PLAGL1: variants seen among roughly 807,000 people sequenced by gnomAD.
The protein encoded by PLAGL1 is zinc finger protein PLAGL1.
A neutral mutation model predicts 4.6 loss-of-function variants in PLAGL1; 1 was observed. The observed-to-expected ratio is 0.22, with a 90% confidence interval of 0.08 to 1.03. The LOEUF (loss-of-function observed/expected upper bound fraction) is 1.03. Among genes scored for constraint, PLAGL1 ranks in the 50% least tolerant of loss-of-function variants. The pLI is 0.58. For missense variants in PLAGL1, 464 were observed against 570.4 expected, an observed-to-expected ratio of 0.81 and a Z score of 1.90; for synonymous variants, 240 against 237.8, an observed-to-expected ratio of 1.01 and a Z score of -0.08.
rs898299102 is a variant in PLAGL1 at position 143,955,160 on chromosome 6, A to G, written c.-325+5309T>C. Among the ~76,000 whole-genome samples the G allele has an allele frequency of 6.6e-6, 1 of 152,234 alleles. No homozygotes were observed. The highest frequency in any genetic ancestry group is 2.4e-5 in the African/African-American group (1 of 41,454). On this transcript the variant is annotated intron_variant, in intron 6 of 7. Transcript: ENST00000674357. The surrounding 1 kb of genome is among the most constrained non-coding windows in gnomAD (Gnocchi z 4.9). ...TGAGGTGGTGGTTGTCTAGGCAGTG[A>G]CCATCTCTTGCTTGGGAGATCAAGA... is the stretch of plus-strand genomic sequence containing the variant.
At chr6:144,021,764 G>C (rs1562581626) in intron 1 of PLAGL1, among the ~76,000 whole-genome samples, 1 of 152,192 alleles carries the variant, frequency 6.6e-6, no homozygotes, top group Non-Finnish European at 1.5e-5. Flanking sequence ...ATTAAAGACT[G>C]TCATTATGGA....
intron 1 of PLAGL1, among the ~76,000 whole-genome samples, chr6:143,991,123 A>G (rs991698444): frequency 1.3e-5 from 2 of 152,242 alleles, no homozygotes; most frequent in Non-Finnish European, 1.5e-5. Flanking sequence ...ACATTGTCCC[A>G]TTATGTCCAC....
Position 144,045,596 on chromosome 6 carries a change from C to T in PLAGL1, c.-151+18872G>A, listed in dbSNP as rs982678328. ...GGGCTTCCCTTTGTGGGTAACCCGA[C>T]CTTTCTCTCTGGCTGCCCTTAACAT... On this transcript the variant is annotated intron_variant, in intron 1 of 3. Transcript: ENST00000437412. Among the ~76,000 whole-genome samples the T allele has an allele frequency of 3.7e-4, 56 of 152,138 alleles. 1 individual carries two copies.
intron 6 of PLAGL1, among the ~76,000 whole-genome samples, chr6:143,956,526 C>A (rs982670835): frequency 2.0e-5 from 3 of 152,188 alleles, no homozygotes; most frequent in Admixed American, 6.5e-5. Flanking sequence ...ATAGTACAAA[C>A]AAGATCCTAA....
rs1781764016 is a variant in PLAGL1 at position 143,954,711 on chromosome 6, A to G, written c.-325+5758T>C. ...CATTGCTTGCATGAAACATTCATGT[A>G]TTAGAAGTCATGGATAATACGATAC... is the stretch of plus-strand genomic sequence containing the variant. On this transcript the variant is annotated intron_variant, in intron 6 of 7. Coordinates refer to ENST00000674357, the MANE Select transcript of PLAGL1 (RefSeq NM_001317162.2). This position sits in a 1 kb window ranked among gnomAD's most constrained non-coding sequence, Gnocchi z 5.1. 6.6e-6 allele frequency among the ~76,000 whole-genome samples: 1 copy of G among 152,252 alleles called. No individual in the cohort carries two copies.
rs1003793734 is a variant in PLAGL1, at chr6:144,053,258, C to G, written c.-151+11210G>C. Among the ~76,000 whole-genome samples, 1 of 152,144 alleles carries G rather than the reference C, an allele frequency of 6.6e-6. No individual in the cohort carries two copies. Among genetic ancestry groups the G allele is most frequent in the Non-Finnish European group, 1.5e-5 (1 of 68,030 alleles). On this transcript the variant is annotated intron_variant, in intron 1 of 3. Coordinates refer to the PLAGL1 transcript ENST00000437412. This position sits in a 1 kb window ranked among gnomAD's most constrained non-coding sequence, Gnocchi z 4.0. ...CAAGCAATTCTCCTGCCTCAGTCTC[C>G]TGAGTACCTGGGATTACAGGCATGC...
At position 143,997,732 on chromosome 6, in the gene PLAGL1, A is replaced by C. The variant is rs1583550399; in HGVS notation, c.-584+10358T>G. Among the ~76,000 whole-genome samples the C allele has an allele frequency of 6.6e-6, 1 of 151,720 alleles. No individual in the cohort carries two copies. Among genetic ancestry groups the C allele is most frequent in the East Asian group, 1.9e-4 (1 of 5,156 alleles). On this transcript the variant is annotated intron_variant, in intron 1 of 7. Transcript: ENST00000674357. The surrounding 1 kb of genome is among the most constrained non-coding windows in gnomAD (Gnocchi z 4.6). ...GAAGGAATAGATAAAACTAATCTAC[A>C]GTGATGGACATCAGAAGAGTGTGAT...
At chr6:144,029,979 C>T (rs1056953136) in intron 1 of PLAGL1, among the ~76,000 whole-genome samples, 9 of 152,020 alleles carry the variant, frequency 5.9e-5, no homozygotes, top group South Asian at 2.1e-4. Context: ...TTTGACTGGG[C>T]GCGGTGGCTC....
chr6:144,024,397 G>A (rs1271591114), intron 1 of PLAGL1, among the ~76,000 whole-genome samples: 1 of 152,188 alleles, frequency 6.6e-6, no homozygotes, highest in Non-Finnish European at 1.5e-5. Flanking sequence ...CAAGAGCAGG[G>A]ACAGGTGGAG....
intron 1 of PLAGL1, among the ~76,000 whole-genome samples, chr6:144,002,702 T>C (rs1793170045): frequency 6.6e-6 from 1 of 151,938 alleles, no homozygotes; most frequent in Admixed American, 6.6e-5. Flanking sequence ...AAAAAAACAT[T>C]AAATGTCTAG....
In PLAGL1 at chr6:144,034,365, TG is replaced by T. The variant is rs1353510461; in HGVS notation, c.-151+30102del. On this transcript the variant is annotated intron_variant, in intron 1 of 3. Coordinates refer to the PLAGL1 transcript ENST00000437412. This position sits in a 1 kb window ranked among gnomAD's most constrained non-coding sequence, Gnocchi z 4.7. ...CTGGGCACACAGCCCCCAGGCTGAC[TG>T]GAAGACGGGGCTCACTGCACACTCA... Among the ~76,000 whole-genome samples, 7 of 152,234 alleles carry T rather than the reference TG, an allele frequency of 4.6e-5. No individual in the cohort carries two copies. Among genetic ancestry groups the T allele is most frequent in the Non-Finnish European group, 1.0e-4 (7 of 68,038 alleles).
In PLAGL1 at chr6:143,975,977, T is replaced by C. The variant is rs898712228; in HGVS notation, c.-543-6999A>G. 1.3e-5 allele frequency among the ~76,000 whole-genome samples: 2 copies of C among 152,208 alleles called. No individual in the cohort carries two copies. Among genetic ancestry groups the C allele is most frequent in the African/African-American group, 4.8e-5 (2 of 41,456 alleles). On this transcript the variant is annotated intron_variant, in intron 2 of 7. Transcript: ENST00000674357. This position sits in a 1 kb window ranked among gnomAD's most constrained non-coding sequence, Gnocchi z 5.8. ...TTCAAAGAACTAACACATATCTTAC[T>C]TCGTTGACCCTCACATTACTAAGAG... is the stretch of plus-strand genomic sequence containing the variant.
chr6:144,052,285 A>G (rs1451656948), intron 1 of PLAGL1, among the ~76,000 whole-genome samples: 3 of 152,240 alleles, frequency 2.0e-5, no homozygotes, highest in African/African-American at 7.2e-5. Flanking sequence ...CAGTCAATCA[A>G]TCAATCAATC....
rs1336912828 is a variant in PLAGL1 at position 144,053,085 on chromosome 6, A to G, written c.-151+11383T>C. 6.6e-6 allele frequency among the ~76,000 whole-genome samples: 1 copy of G among 152,218 alleles called. No homozygotes were observed. Among genetic ancestry groups the G allele is most frequent in the Non-Finnish European group, 1.5e-5 (1 of 68,042 alleles). On this transcript the variant is annotated intron_variant, in intron 1 of 3. Coordinates refer to the PLAGL1 transcript ENST00000437412. This position sits in a 1 kb window ranked among gnomAD's most constrained non-coding sequence, Gnocchi z 4.0. ...AAATTATTTATTTTAACTGATGCTC[A>G]ACCATATTGGGTCATCCTTATCAGC... is the stretch of plus-strand genomic sequence containing the variant.
Position 143,979,741 on chromosome 6 carries a change from C to T in PLAGL1, c.-544+5394G>A, listed in dbSNP as rs960468030. 6.6e-6 allele frequency among the ~76,000 whole-genome samples: 1 copy of T among 151,552 alleles called. No homozygotes were observed. Among genetic ancestry groups the T allele is most frequent in the Non-Finnish European group, 1.5e-5 (1 of 67,842 alleles). On this transcript the variant is annotated intron_variant, in intron 2 of 7. Transcript: ENST00000674357. This position sits in a 1 kb window ranked among gnomAD's most constrained non-coding sequence, Gnocchi z 4.6. Reference sequence around the variant, plus strand: ...ATCATCATCGTATGTATTTATTTACCTAGGTGGTTGCCATTTCTGGTGCTC... The same window carrying T: ...ATCATCATCGTATGTATTTATTTACTTAGGTGGTTGCCATTTCTGGTGCTC...
At chr6:144,051,449 G>A (rs188082203) in intron 1 of PLAGL1, among the ~76,000 whole-genome samples, 5 of 152,200 alleles carry the variant, frequency 3.3e-5, no homozygotes, top group African/African-American at 7.2e-5. Flanking sequence ...AACAACTAAG[G>A]ACAATCATTT....
At chr6:144,025,396 G>A (rs1796262376) in intron 1 of PLAGL1, among the ~76,000 whole-genome samples, 1 of 152,100 alleles carries the variant, frequency 6.6e-6, no homozygotes, top group Admixed American at 6.5e-5. Context: ...GAAAATGACT[G>A]GAATCCATCC....
chr6:144,028,985 T>C (rs73592644), intron 1 of PLAGL1, among the ~76,000 whole-genome samples: 213 of 152,344 alleles, frequency 1.4e-3, no homozygotes, highest in African/African-American at 5.0e-3. Context: ...ACAGTATTGA[T>C]TCTGGTCTCA....
rs1027176918 is a variant in PLAGL1, at chr6:143,947,208, G to T, written c.152+777C>A. Among the ~76,000 whole-genome samples the T allele has an allele frequency of 3.3e-5, 5 of 152,152 alleles. No individual in the cohort carries two copies. The highest frequency in any genetic ancestry group is 1.2e-4 in the African/African-American group (5 of 41,420). The stretch of plus-strand genomic sequence containing the variant: ...CCACCTGAACTCCACTTACTAGGGT[G>T]GCTTTCCACCCAAGTTGAGAAACTG... On this transcript the variant is annotated intron_variant, in intron 7 of 7. Coordinates refer to ENST00000674357, the MANE Select transcript of PLAGL1 (RefSeq NM_001317162.2). This position sits in a 1 kb window ranked among gnomAD's most constrained non-coding sequence, Gnocchi z 4.3.
Sources: gnomAD v4.1 joint callset for allele counts (sites outside exome capture counted in the v4.1 genomes callset) on GRCh38, gnomAD v4.1.1 for gene constraint, Gnocchi (gnomAD v3.1) non-coding constraint, MANE v1.5 for transcripts, NCBI Gene and HGNC (gene_info 2026-07-23, HGNC 2026-07-21) for gene names.